The following PPP1R37 variants were observed in gnomAD, a reference collection of about 807,000 sequenced individuals.
The protein encoded by PPP1R37 is protein phosphatase 1 regulatory subunit 37, also known as leucine rich repeat containing 68.
In PPP1R37, 21 loss-of-function variants were observed where a neutral mutation model predicts 61.0. The observed-to-expected ratio is 0.34, with a 90% CI of 0.24 to 0.50. The LOEUF (loss-of-function observed/expected upper bound fraction) is 0.50, where lower values mean the gene tolerates loss of function less well. Ranked by LOEUF, PPP1R37 falls within the 20% of genes least tolerant of loss-of-function variation. PPP1R37 has a pLI of 0.98. For missense variants in PPP1R37, 910 were observed against 952.7 expected (o/e 0.96, Z 0.59); for synonymous variants, 443 against 433.5 (o/e 1.02, Z -0.27).
Position 45,138,905 on chromosome 19 carries a change from CTTTTTTTTTTTTTTT to C in PPP1R37, c.300+305_300+319del, listed in dbSNP as rs34081163. On this transcript the variant is annotated intron_variant, in intron 2 of 12. Coordinates refer to ENST00000221462, the MANE Select transcript of PPP1R37 (RefSeq NM_019121.2). Reference sequence around the variant, plus strand: ...GTCTGAATTACAAAATTTATGTATTCTTTTTTTTTTTTTTTTTTTTTTTTTGAGATGGAGTCTCGC... The same window carrying C: ...GTCTGAATTACAAAATTTATGTATTCTTTTTTTTTTGAGATGGAGTCTCGC... Among the ~76,000 whole-genome samples, 13 of 73,058 alleles carry C rather than the reference CTTTTTTTTTTTTTTT, an allele frequency of 1.8e-4. No homozygotes were observed. The East Asian group carries it at 5.0e-3, about 28-fold the overall frequency. The allele number at this position is 73,058 out of a possible 152,430, so 47.9% of individuals were successfully genotyped here. A position where few individuals can be genotyped will look rare whatever the true frequency, so the allele number is the denominator to read the frequency against.
Position 45,145,665 on chromosome 19 carries a change from TCCCTGGG to T in PPP1R37, c.1617_1623del (p.Pro540ThrfsTer30), listed in dbSNP as rs1968684363. The T allele has an allele frequency of 6.5e-7, 1 of 1,535,046 alleles. No individual in the cohort carries two copies. Reference sequence around the variant, plus strand: ...TCCTGCCCTGGTGCCCCCCACGGACTCCCTGGGCCCTGGGGACAGGAGTCCCCCAGGC... The same window carrying T: ...TCCTGCCCTGGTGCCCCCCACGGACTCCCTGGGGACAGGAGTCCCCCAGGC... On this transcript the variant is annotated frameshift_variant, in exon 11 of 13. Transcript: ENST00000221462. LOFTEE classifies it high-confidence loss of function.
intron 1 of PPP1R37, among the ~76,000 whole-genome samples, chr19:45,102,421 C>T (rs975574242): frequency 1.3e-5 from 2 of 152,202 alleles, no homozygotes; most frequent in African/African-American, 4.8e-5. Flanking sequence ...TTCTTTGCCT[C>T]AGTGTCCCCA....
chr19:45,146,053 AGAGGGGCCCTAGGGCAGGTGTT>A lies in PPP1R37; in HGVS notation c.1993+15_1993+36del, dbSNP rs1420255097. On this transcript the variant is annotated splice_donor_5th_base_variant and intron_variant, in intron 11 of 12. Coordinates refer to ENST00000221462, the MANE Select transcript of PPP1R37 (RefSeq NM_019121.2). Reference sequence around the variant, plus strand: ...GGCAGCTGCGGCCTGGAGCACGGTGAGAGGGGCCCTAGGGCAGGTGTTGAGGGGCCCTGGGTGCTGTATGTGA... The same window carrying A: ...GGCAGCTGCGGCCTGGAGCACGGTGAGAGGGGCCCTGGGTGCTGTATGTGA... The A allele has an allele frequency of 1.1e-5, 17 of 1,525,264 alleles. No individual in the cohort carries two copies. Among genetic ancestry groups the A allele is most frequent in the Non-Finnish European group, 1.4e-5 (16 of 1,140,852 alleles). 94.5% of individuals were successfully genotyped at this position (1,525,264 alleles called of 1,614,324 possible).
At chr19:45,101,732 G>A (rs1323879895) in intron 1 of PPP1R37, among the ~76,000 whole-genome samples, 2 of 152,138 alleles carry the variant, frequency 1.3e-5, no homozygotes, top group African/African-American at 4.8e-5. Context: ...GAAAAAGGAG[G>A]GGCATGGTGG....
At chr19:45,104,082 C>T (rs939883275) in intron 1 of PPP1R37, among the ~76,000 whole-genome samples, 3 of 152,144 alleles carry the variant, frequency 2.0e-5, no homozygotes, top group East Asian at 1.9e-4. Context: ...CACGCCTAGA[C>T]GCAGGCGCCT....
rs1968441274 is a variant in PPP1R37, at chr19:45,128,832, T to C, written c.203-9682T>C. 13 of 620,270 alleles carry C rather than the reference T, an allele frequency of 2.1e-5. No homozygotes were observed. In the South Asian group the frequency reaches 2.1e-4, roughly 10 times the overall value. 38.4% of individuals were successfully genotyped at this position (620,270 alleles called of 1,614,324 possible). Reference sequence around the variant, plus strand: ...TGTCCCCAGCATCAAAAGGAATGACTCCCAGTTGATTGGCATCCAGGAAGG... The same window carrying C: ...TGTCCCCAGCATCAAAAGGAATGACCCCCAGTTGATTGGCATCCAGGAAGG... On this transcript the variant is annotated intron_variant, in intron 1 of 12. Transcript: ENST00000221462.
At chr19:45,107,726 C>A (rs1440096839) in intron 1 of PPP1R37, among the ~76,000 whole-genome samples, 1 of 152,216 alleles carries the variant, frequency 6.6e-6, no homozygotes, top group Non-Finnish European at 1.5e-5. Flanking sequence ...ATGTTTTCAG[C>A]GTGTAATGCC....
intron 8 of PPP1R37, 107 bp downstream of exon 8, chr19:45,143,740 C>T (rs563422721): frequency 4.8e-6 from 3 of 624,510 alleles, no homozygotes; most frequent in Non-Finnish European, 8.5e-6. Flanking sequence ...CCTGCCCATC[C>T]TGCAGGTTCA....
chr19:45,145,812 T>TCCCCCCCCCCCCCCCCCCCCCC lies in PPP1R37; in HGVS notation c.1761_1762insCCCCCCCCCCCCCCCCCCCCCC (p.Thr588ProfsTer31). On this transcript the variant is annotated frameshift_variant, in exon 11 of 13. Coordinates refer to ENST00000221462, the MANE Select transcript of PPP1R37 (RefSeq NM_019121.2). LOFTEE classifies it high-confidence loss of function. ...GCCCGAGAGGGCAGAGCCCCCTGCGTCCCCCACCCCTCCCTCTCCCCCACC... is the reference window on the plus strand; with the variant it reads ...GCCCGAGAGGGCAGAGCCCCCTGCGTCCCCCCCCCCCCCCCCCCCCCCCCCCCACCCCTCCCTCTCCCCCACC... 11 of 1,227,584 alleles carry TCCCCCCCCCCCCCCCCCCCCCC rather than the reference T, an allele frequency of 9.0e-6. No homozygotes were observed. Among genetic ancestry groups the TCCCCCCCCCCCCCCCCCCCCCC allele is most frequent in the South Asian group, 1.5e-5 (1 of 64,834 alleles). 76.0% of individuals were successfully genotyped at this position (1,227,584 alleles called of 1,614,324 possible).
chr19:45,140,649 G>C, intron 4 of PPP1R37, 43 bp downstream of exon 4: 1 of 1,456,624 alleles, frequency 6.9e-7, no homozygotes, highest in East Asian at 2.5e-5. Context: ...CTGAGCTCCC[G>C]GGCCCCTTCG....
intron 1 of PPP1R37, among the ~76,000 whole-genome samples, chr19:45,119,150 G>A (rs1194123992): frequency 3.3e-5 from 5 of 150,432 alleles, no homozygotes; most frequent in East Asian, 2.0e-4. Context: ...CACAACACCC[G>A]TCTAATTTTT....
At chr19:45,131,740 G>A (rs765061168) in intron 1 of PPP1R37, among the ~76,000 whole-genome samples, 2 of 152,182 alleles carry the variant, frequency 1.3e-5, no homozygotes, top group Admixed American at 6.5e-5. Flanking sequence ...TTTAGAAAGT[G>A]CTTATTAGCA....
chr19:45,098,387 A>G (rs1968020441), intron 1 of PPP1R37, among the ~76,000 whole-genome samples: 1 of 152,180 alleles, frequency 6.6e-6, no homozygotes, highest in South Asian at 2.1e-4. Flanking sequence ...GGTTGGAAAG[A>G]TAGGCATGTG....
At chr19:45,129,953 T>C (rs1453517325) in intron 1 of PPP1R37, among the ~76,000 whole-genome samples, 1 of 152,224 alleles carries the variant, frequency 6.6e-6, no homozygotes, top group African/African-American at 2.4e-5. Flanking sequence ...TAGTCTGTAC[T>C]CTTGCCTCTG....
At chr19:45,145,040 C>T (rs1162085724) in intron 9 of PPP1R37, 45 bp downstream of exon 9, 3 of 1,520,916 alleles carry the variant, frequency 2.0e-6, no homozygotes, top group Admixed American at 2.0e-5. Flanking sequence ...TGGGCTCAGC[C>T]GGGCGGCCAG....
intron 12 of PPP1R37, 36 bp from the exon 13 acceptor site, chr19:45,146,535 C>A: frequency 8.0e-7 from 1 of 1,243,186 alleles, no homozygotes; most frequent in Non-Finnish European, 1.1e-6. Context: ...GAGCCTCTGG[C>A]TCTGACAGTC....
intron 1 of PPP1R37, among the ~76,000 whole-genome samples, chr19:45,115,901 G>A (rs988044348): frequency 1.3e-5 from 2 of 151,862 alleles, no homozygotes; most frequent in African/African-American, 4.8e-5. Flanking sequence ...GTGAACCCAG[G>A]AAGCGGAAGT....
chr19:45,143,171 G>A (rs538643662), intron 7 of PPP1R37: 34 of 229,788 alleles, frequency 1.5e-4, no homozygotes, highest in African/African-American at 6.4e-4. Context: ...GAGAGACAAC[G>A]ATAAGATGAG....
At chr19:45,093,627 A>T in intron 1 of PPP1R37, 100 bp downstream of exon 1, 7 of 844,524 alleles carry the variant, frequency 8.3e-6, no homozygotes, top group Non-Finnish European at 1.8e-6. Flanking sequence ...AATAGATTGC[A>T]CCTAATGGTG....
Sources: gnomAD v4.1 joint callset for allele counts (sites outside exome capture counted in the v4.1 genomes callset) on GRCh38, gnomAD v4.1.1 for gene constraint, MANE v1.5 for transcripts, NCBI Gene and HGNC (gene_info 2026-07-23, HGNC 2026-07-21) for gene names.